Variants in PAPLN observed in about 807,000 individuals in gnomAD.
PAPLN encodes papilin.
PAPLN carries 146 observed loss-of-function variants against 159.0 expected under a neutral mutation model. That is an observed-to-expected ratio of 0.92 (90% CI 0.80 to 1.05). PAPLN has a LOEUF of 1.05. Among genes scored for constraint, PAPLN ranks in the 50% least tolerant of loss-of-function variants. The pLI, the probability that PAPLN is intolerant of heterozygous loss-of-function variation, is 0.00. For synonymous variants in PAPLN, 734 were observed against 702.9 expected (o/e 1.04, Z -0.70); for missense variants, 1,720 against 1,743.9 (o/e 0.99, Z 0.24).
Position 73,264,396 on chromosome 14 carries a change from T to A in PAPLN, c.2986+61T>A, listed in dbSNP as rs1321277757. 2.5e-6 allele frequency: 4 copies of A among 1,575,198 alleles called. No homozygotes were observed. The Admixed American group carries it at 5.3e-5, about 21-fold the overall frequency. On this transcript the variant is annotated intron_variant, in intron 21 of 26. Coordinates refer to ENST00000644200, the MANE Select transcript of PAPLN (RefSeq NM_001365906.3). ...AGGGGCCCGAGTGGGAAGGCCAGGA[T>A]GGGGAGCCTGACCGAGGGCTGCCTC...
At chr14:73,246,507 G>T (rs1308534274) in intron 5 of PAPLN, among the ~76,000 whole-genome samples, 3 of 150,446 alleles carry the variant, frequency 2.0e-5, no homozygotes, top group African/African-American at 4.9e-5. Flanking sequence ...GGTCTGCAGA[G>T]GTCCCTCGAG....
chr14:73,266,720 C>T lies in PAPLN; in HGVS notation c.3392-3C>T, dbSNP rs1008641537. 1.9e-5 allele frequency: 30 copies of T among 1,613,956 alleles called. No individual in the cohort carries two copies. The highest frequency in any genetic ancestry group is 2.4e-5 in the Non-Finnish European group (28 of 1,180,006). On this transcript the variant is annotated splice_region_variant and splice_polypyrimidine_tract_variant and intron_variant, in intron 24 of 26. Coordinates refer to ENST00000644200, the MANE Select transcript of PAPLN (RefSeq NM_001365906.3). Reference sequence around the variant, plus strand: ...GCTGACAATGACTTGTCCTTGTGCCCAGGGGAGCTGACAATCTCAGGACTG... The same window carrying T: ...GCTGACAATGACTTGTCCTTGTGCCTAGGGGAGCTGACAATCTCAGGACTG...
At chr14:73,242,061 G>T (rs925850731) in intron 2 of PAPLN, among the ~76,000 whole-genome samples, 9 of 152,162 alleles carry the variant, frequency 5.9e-5, no homozygotes, top group Admixed American at 1.3e-4. Flanking sequence ...GGCAGTTCAC[G>T]GTTTGGGTAA....
rs1887985946 is a variant in PAPLN at position 73,274,495 on chromosome 14, A to G, written c.*1831A>G. On this transcript the variant is annotated 3_prime_UTR_variant, in exon 27 of 27. Transcript: ENST00000644200. The stretch of plus-strand genomic sequence containing the variant: ...CTTCTCAGTCTTCTCTACTCATTCA[A>G]CAAAGGAAATGTGGGCTGGGGCAGA... 6.6e-6 allele frequency: 1 copy of G among 152,234 alleles called. No individual in the cohort carries two copies. Among genetic ancestry groups the G allele is most frequent in the African/African-American group, 2.4e-5 (1 of 41,464 alleles). The allele number at this position is 152,234 out of a possible 1,614,324, so 9.4% of individuals were successfully genotyped here.
intron 16 of PAPLN, 96 bp downstream of exon 16, chr14:73,259,641 G>GT (rs1253246667): frequency 1.0e-5 from 14 of 1,381,052 alleles, no homozygotes; most frequent in Non-Finnish European, 1.3e-5. Context: ...GAGGGCTGGG[G>GT]TGGGTGTGCA....
At chr14:73,235,921 C>T (rs1883014649), upstream of PAPLN, among the ~76,000 whole-genome samples, 2 of 152,244 alleles carry the variant, frequency 1.3e-5, no homozygotes, top group South Asian at 4.1e-4. Flanking sequence ...AGCATTTTGT[C>T]CAAACAGGCA....
At position 73,262,709 on chromosome 14, in the gene PAPLN, GC is replaced by G. The variant is rs1291107616; in HGVS notation, c.2611del (p.His871ThrfsTer93). 5 of 1,510,462 alleles carry G rather than the reference GC, an allele frequency of 3.3e-6. No homozygotes were observed. Among genetic ancestry groups the G allele is most frequent in the East Asian group, 2.3e-5 (1 of 43,674 alleles). 93.6% of individuals were successfully genotyped at this position (1,510,462 alleles called of 1,614,324 possible). A position where few individuals can be genotyped will look rare whatever the true frequency, so the allele number is the denominator to read the frequency against. On this transcript the variant is annotated frameshift_variant, in exon 19 of 27. Transcript: ENST00000644200. LOFTEE classifies it high-confidence loss of function. ...AGACCAACAGCCTGGGCCAGGGGAG[GC>G]CCCCCACACCCAGGCCTTTGGAGAA... ...RQDQQPGPGE[A>X]PHTQAFGEWP...
intron 20 of PAPLN, 172 bp downstream of exon 20, chr14:73,263,954 G>A: frequency 7.1e-7 from 1 of 1,400,676 alleles, no homozygotes; most frequent in Non-Finnish European, 9.5e-7. Flanking sequence ...GTGTGTGACG[G>A]CCCCCCGACC....
chr14:73,268,618 C>G lies in PAPLN; in HGVS notation c.3562C>G (p.Leu1188Val). ...RVHQSPDGTL[L>V]IYNLRARDEG... ...CCACCAGTCCCCAGATGGCACGCTG[C>G]TCATTTACAACTTGCGGGCCAGGGA... is the stretch of plus-strand genomic sequence containing the variant. The change falls in exon 26 of 27, where the codon CTC (leucine) becomes GTC (valine). Residue 1188 changes from leucine to valine, a missense_variant. Coordinates refer to ENST00000644200, the MANE Select transcript of PAPLN (RefSeq NM_001365906.3). 6.2e-7 allele frequency: 1 copy of G among 1,614,062 alleles called. No homozygotes were observed. The highest frequency in any genetic ancestry group is 8.5e-7 in the Non-Finnish European group (1 of 1,179,954).
At position 73,264,781 on chromosome 14, in the gene PAPLN, G is replaced by A. The variant is rs1566706307; in HGVS notation, c.3125+55G>A. The A allele has an allele frequency of 2.1e-5, 33 of 1,604,614 alleles. No homozygotes were observed. In the South Asian group the frequency reaches 3.3e-4, roughly 16 times the overall value. On this transcript the variant is annotated intron_variant, in intron 22 of 26. Transcript: ENST00000644200. The stretch of plus-strand genomic sequence containing the variant: ...CCCCCACGCCAGGGCCAGGGCCGGG[G>A]GTCTCAGTGGATAAGGAGGGGAACG...
rs751959761 is a variant in PAPLN at position 73,264,327 on chromosome 14, G to C, written c.2978G>C (p.Arg993Pro). 5.0e-6 allele frequency: 8 copies of C among 1,613,516 alleles called. No homozygotes were observed. Among genetic ancestry groups the C allele is most frequent in the African/African-American group, 4.0e-5 (3 of 74,902 alleles). Residue 993 changes from arginine (R) to proline (P), a missense_variant, in exon 21 of 27, where the codon CGC becomes CCC. Transcript: ENST00000644200. ...PGRDSQKIQL[R>P]IIGGDMAVLS... is the part of the protein sequence containing the mutation. ...CGCGACTCCCAGAAGATCCAACTTC[G>C]CATCATAGGTCTCTGTCCCCACCCC...
rs1346109767 is a variant in PAPLN, at chr14:73,274,425, C to G, written c.*1761C>G. 6.6e-6 allele frequency: 1 copy of G among 152,204 alleles called. No homozygotes were observed. The highest frequency in any genetic ancestry group is 2.4e-5 in the African/African-American group (1 of 41,448). 9.4% of individuals were successfully genotyped at this position (152,204 alleles called of 1,614,324 possible). A position where few individuals can be genotyped will look rare whatever the true frequency, so the allele number is the denominator to read the frequency against. On this transcript the variant is annotated 3_prime_UTR_variant, in exon 27 of 27. Coordinates refer to ENST00000644200, the MANE Select transcript of PAPLN (RefSeq NM_001365906.3). ...TCTGAAAGGTGACTTTTATTACCAA[C>G]ACACTGGCTGGAAAAGGGACAAACC...
At chr14:73,235,914 A>C (rs958979757), upstream of PAPLN, among the ~76,000 whole-genome samples, 2 of 152,234 alleles carry the variant, frequency 1.3e-5, no homozygotes, top group African/African-American at 4.8e-5. Context: ...TCTAATAAGC[A>C]TTTTGTCCAA....
In PAPLN at chr14:73,268,258, C is replaced by T. The variant is rs1053657464; in HGVS notation, c.3501-299C>T. On this transcript the variant is annotated intron_variant, in intron 25 of 26. Transcript: ENST00000644200. ...CACTATCTGGGTCTGGACTCTTGAG[C>T]TCCAGACTTCAAATCTGAGGCCTCC... The T allele has an allele frequency of 1.2e-5, 4 of 326,030 alleles. No homozygotes were observed. In the Admixed American group the frequency reaches 1.9e-4, roughly 15 times the overall value. The allele number at this position is 326,030 out of a possible 1,614,324, so 20.2% of individuals were successfully genotyped here.
chr14:73,237,266 G>A (rs1883087559), upstream of PAPLN, among the ~76,000 whole-genome samples: 1 of 152,214 alleles, frequency 6.6e-6, no homozygotes, highest in Non-Finnish European at 1.5e-5. Context: ...TGGGATTGGA[G>A]AGGTGACTGG....
At chr14:73,268,875 C>A in intron 26 of PAPLN, 152 bp downstream of exon 26, 2 of 938,056 alleles carry the variant, frequency 2.1e-6, no homozygotes, top group Non-Finnish European at 3.0e-6. Flanking sequence ...AGGGGCTTAC[C>A]TTCCTGAGCC....
chr14:73,258,892 G>A, intron 14 of PAPLN, 87 bp from the exon 15 acceptor site: 1 of 1,267,414 alleles, frequency 7.9e-7, no homozygotes. Context: ...TGGGGTAGAA[G>A]CCAGTGCTGG....
intron 11 of PAPLN, chr14:73,253,049 C>G: frequency 8.3e-7 from 1 of 1,200,512 alleles, no homozygotes; most frequent in South Asian, 1.3e-5. Context: ...TTCCAGAGGT[C>G]CCTGTCTGTC....
rs1353399582 is a variant in PAPLN, at chr14:73,252,123, A to G, written c.949A>G (p.Ser317Gly). ...SWSHGSWSDC[S>G]AECGGGHQSR... is the part of the protein sequence containing the mutation. ...GAGCCACGGCTCATGGAGTGACTGC[A>G]GCGCGGAGTGTGGCGGAGGTGCGGG... Residue 317 changes from serine (S) to glycine (G), a missense_variant, in exon 10 of 27, where the codon AGC becomes GGC. Transcript: ENST00000644200. The G allele has an allele frequency of 6.2e-7, 1 of 1,607,516 alleles. No homozygotes were observed.
Sources: allele counts gnomAD v4.1 joint callset (sites outside exome capture counted in the v4.1 genomes callset), GRCh38; gene constraint gnomAD v4.1.1; transcripts MANE v1.5; gene names NCBI Gene and HGNC (gene_info 2026-07-23, HGNC 2026-07-21).